PDE10A: variants seen among roughly 807,000 people sequenced by gnomAD.
The protein encoded by PDE10A is cAMP and cAMP-inhibited cGMP 3',5'-cyclic phosphodiesterase 10A.
Under a neutral mutation model 97.7 loss-of-function variants are expected in PDE10A, and 39 were observed. The ratio of observed to expected loss-of-function variants is 0.40; its 90% CI spans 0.31 to 0.52. PDE10A has a LOEUF of 0.52. Ranked by LOEUF, PDE10A falls within the 20% of genes least tolerant of loss-of-function variation. The probability of loss-of-function intolerance (pLI) is 0.56; values close to 1 mark genes in which losing one functional copy is unlikely to be tolerated. For missense variants in PDE10A, 731 were observed against 1,047.8 expected, an observed-to-expected ratio of 0.70 and a Z score of 4.17; for synonymous variants, 371 against 376.8, an observed-to-expected ratio of 0.98 and a Z score of 0.18.
intron 1 of PDE10A, chr6:165,781,306 C>A (rs952786240): frequency 7.2e-5 from 11 of 151,984 alleles, no homozygotes; most frequent in African/African-American, 2.4e-4. Flanking sequence ...AAATAAATAC[C>A]CCATCTCAGG....
intron 1 of PDE10A, among the ~76,000 whole-genome samples, chr6:165,813,973 C>T (rs1295170070): frequency 6.6e-6 from 1 of 152,162 alleles, no homozygotes; most frequent in Non-Finnish European, 1.5e-5. Context: ...GTTAACCAAA[C>T]TGATAGGTTT....
chr6:165,375,098 G>GT (rs1306086673), intron 18 of PDE10A, among the ~76,000 whole-genome samples: 1 of 152,024 alleles, frequency 6.6e-6, no homozygotes, highest in Non-Finnish European at 1.5e-5. Flanking sequence ...CCTAAAAGCA[G>GT]TAATATTAAA....
intron 19 of PDE10A, among the ~76,000 whole-genome samples, chr6:165,340,822 G>T (rs1445186704): frequency 2.0e-5 from 3 of 152,142 alleles, no homozygotes. Flanking sequence ...CAGTGGGCAG[G>T]GGGCCAGCCA....
At chr6:165,656,295 C>CA (rs1562664303) in intron 1 of PDE10A, among the ~76,000 whole-genome samples, 1 of 134,934 alleles carries the variant, frequency 7.4e-6, no homozygotes, top group African/African-American at 2.6e-5. Context: ...CACACACACA[C>CA]ACCTTTCCAA....
chr6:165,688,354 C>G (rs145031758), intron 1 of PDE10A, among the ~76,000 whole-genome samples: 10 of 152,256 alleles, frequency 6.6e-5, no homozygotes, highest in Non-Finnish European at 1.5e-4. Context: ...TTCACTTGAA[C>G]CTAATTTCAA....
At chr6:165,903,804 A>G (rs943671837) in intron 1 of PDE10A, among the ~76,000 whole-genome samples, 2 of 152,202 alleles carry the variant, frequency 1.3e-5, no homozygotes, top group Non-Finnish European at 2.9e-5. Flanking sequence ...AGCCAGGAGG[A>G]AACAGGAGGA....
At chr6:165,393,012 T>C (rs904791214) in intron 15 of PDE10A, among the ~76,000 whole-genome samples, 5 of 152,282 alleles carry the variant, frequency 3.3e-5, no homozygotes, top group African/African-American at 1.2e-4. Context: ...GACTCTTTTA[T>C]GGTATCTGTT....
At chr6:165,777,341 G>T (rs1012903472) in intron 1 of PDE10A, among the ~76,000 whole-genome samples, 4 of 152,342 alleles carry the variant, frequency 2.6e-5, no homozygotes, top group South Asian at 4.1e-4. Context: ...TGGGCTGAGC[G>T]CTCTGAGGGG....
intron 1 of PDE10A, among the ~76,000 whole-genome samples, chr6:165,853,110 C>G (rs1032909348): frequency 2.0e-5 from 3 of 152,244 alleles, no homozygotes; most frequent in African/African-American, 7.2e-5. Flanking sequence ...CTGCTGTCGA[C>G]CCGGAGTCTG....
chr6:165,646,162 G>A (rs933798744), intron 1 of PDE10A, among the ~76,000 whole-genome samples: 2 of 152,138 alleles, frequency 1.3e-5, no homozygotes, highest in African/African-American at 2.4e-5. Flanking sequence ...TCCCCACCCC[G>A]GAGTGCAAGG....
At chr6:165,729,628 T>C (rs1358836778) in intron 1 of PDE10A, among the ~76,000 whole-genome samples, 1 of 152,236 alleles carries the variant, frequency 6.6e-6, no homozygotes, top group African/African-American at 2.4e-5. Context: ...TCCTAAATCT[T>C]CTTTATAGAT....
chr6:165,378,485 G>C (rs1428195020), intron 18 of PDE10A, among the ~76,000 whole-genome samples: 2 of 152,138 alleles, frequency 1.3e-5, no homozygotes, highest in Non-Finnish European at 2.9e-5. Context: ...TGGCAGGTTA[G>C]CCAATGAACT....
chr6:165,463,265 G>A (rs1397758059), intron 3 of PDE10A, among the ~76,000 whole-genome samples: 4 of 152,218 alleles, frequency 2.6e-5, no homozygotes, highest in Non-Finnish European at 5.9e-5. Flanking sequence ...ATGGCTCATT[G>A]TAGGAGCTAA....
intron 1 of PDE10A, among the ~76,000 whole-genome samples, chr6:165,697,833 A>C (rs1423196088): frequency 6.6e-6 from 1 of 152,250 alleles, no homozygotes; most frequent in Non-Finnish European, 1.5e-5. Context: ...AGAACTGTGC[A>C]GTTAAATATA....
intron 1 of PDE10A, among the ~76,000 whole-genome samples, chr6:165,854,927 G>A (rs1331660965): frequency 6.6e-6 from 1 of 152,232 alleles, no homozygotes; most frequent in Non-Finnish European, 1.5e-5. Context: ...GAAGGTTTGT[G>A]AGGCGGCTGC....
intron 12 of PDE10A, among the ~76,000 whole-genome samples, chr6:165,414,804 A>C (rs1759413681): frequency 6.6e-6 from 1 of 152,194 alleles, no homozygotes; most frequent in African/African-American, 2.4e-5. Flanking sequence ...ACAATGTATG[A>C]GGGTACTCGT....
chr6:165,714,008 T>C (rs991865932), intron 1 of PDE10A, among the ~76,000 whole-genome samples: 3 of 152,196 alleles, frequency 2.0e-5, no homozygotes, highest in Non-Finnish European at 2.9e-5. Flanking sequence ...ACACTGCCCA[T>C]GTATAGGGAG....
intron 17 of PDE10A, among the ~76,000 whole-genome samples, chr6:165,383,189 G>A (rs1785043165): frequency 1.3e-5 from 2 of 151,984 alleles, no homozygotes; most frequent in Non-Finnish European, 2.9e-5. Flanking sequence ...TCAATAATGA[G>A]AATAATCATT....
intron 2 of PDE10A, among the ~76,000 whole-genome samples, chr6:165,538,623 C>T (rs546026007): frequency 6.6e-6 from 1 of 152,236 alleles, no homozygotes; most frequent in South Asian, 2.1e-4. Flanking sequence ...TCTAATACCA[C>T]CGACACTGTC....
Sources: allele counts gnomAD v4.1 joint callset (sites outside exome capture counted in the v4.1 genomes callset), GRCh38; gene constraint gnomAD v4.1.1; transcripts MANE v1.5; gene names NCBI Gene and HGNC (gene_info 2026-07-23, HGNC 2026-07-21).